NXPH2: variants seen among roughly 807,000 people sequenced by gnomAD.
NXPH2 encodes the protein neurexophilin-2.
NXPH2 carries 5 observed loss-of-function variants against 19.8 expected under a neutral mutation model. The ratio of observed to expected loss-of-function variants is 0.25; its 90% CI spans 0.13 to 0.53. NXPH2 has a LOEUF of 0.53. Ranked by LOEUF, NXPH2 falls within the 20% of genes least tolerant of loss-of-function variation. The pLI, the probability that NXPH2 is intolerant of heterozygous loss-of-function variation, is 0.96. For synonymous variants in NXPH2, 154 were observed against 127.4 expected, an observed-to-expected ratio of 1.21 and a Z score of -1.41; for missense variants, 289 against 322.8, an observed-to-expected ratio of 0.90 and a Z score of 0.80.
chr2:138,718,038 A>T (rs1282459698), intron 1 of NXPH2, among the ~76,000 whole-genome samples: 1 of 152,118 alleles, frequency 6.6e-6, no homozygotes, highest in Non-Finnish European at 1.5e-5. Flanking sequence ...AAGTAAAACC[A>T]TAAAAAATGG....
intron 1 of NXPH2, among the ~76,000 whole-genome samples, chr2:138,700,021 T>C (rs941749323): frequency 6.6e-6 from 1 of 152,138 alleles, no homozygotes; most frequent in Admixed American, 6.6e-5. Flanking sequence ...CGTCACCAAA[T>C]TCTGTTTTCC....
chr2:138,699,000 G>C (rs1680876584), intron 1 of NXPH2, among the ~76,000 whole-genome samples: 1 of 152,058 alleles, frequency 6.6e-6, no homozygotes, highest in Admixed American at 6.6e-5. Context: ...TTGTATATTG[G>C]ATTCTTAGCA....
At chr2:138,700,448 AT>A (rs1680902622) in intron 1 of NXPH2, among the ~76,000 whole-genome samples, 1 of 152,224 alleles carries the variant, frequency 6.6e-6, no homozygotes. Context: ...AGCCACATAA[AT>A]ATTTAATGAT....
rs761482424 is a variant in NXPH2, at chr2:138,671,089, T to C, written c.628A>G (p.Ile210Val). Residue 210 changes from isoleucine (I) to valine (V), a missense_variant, in exon 2 of 2, where the codon ATC becomes GTC. By Grantham distance (29) the Ile-to-Val change is conservative. Coordinates refer to ENST00000272641, the MANE Select transcript of NXPH2 (RefSeq NM_007226.3). The stretch of plus-strand genomic sequence containing the variant: ...CTCTGAGTCTGCTCCTGGTAGCAGA[T>C]CTTGGATGGGTCAAAGTTGCACAGG... The part of the protein sequence containing the change: ...TALCNFDPSK[I>V]CYQEQTQSHV... 34 of 1,613,846 alleles carry C rather than the reference T, an allele frequency of 2.1e-5. 1 individual carries two copies. The South Asian group carries it at 3.5e-4, about 17-fold the overall frequency.
At chr2:138,702,838 A>G (rs928291724) in intron 1 of NXPH2, among the ~76,000 whole-genome samples, 3 of 152,216 alleles carry the variant, frequency 2.0e-5, no homozygotes, top group African/African-American at 4.8e-5. Flanking sequence ...AGCTTTAACA[A>G]TGGCCAAAGC....
Position 138,738,459 on chromosome 2 carries a change from T to C in NXPH2, c.51+41732A>G, listed in dbSNP as rs554201261. On this transcript the variant is annotated intron_variant, in intron 1 of 1. Transcript: ENST00000272641. ...TGTGTGCAAAAATCTTTATCTAGCC[T>C]TTAGAGATATATCTATTACATCAAT... Among the ~76,000 whole-genome samples the C allele has an allele frequency of 2.0e-5, 3 of 152,304 alleles. No homozygotes were observed. In the South Asian group the frequency reaches 6.2e-4, roughly 32 times the overall value.
At chr2:138,698,120 T>C (rs1392719130) in intron 1 of NXPH2, among the ~76,000 whole-genome samples, 1 of 152,162 alleles carries the variant, frequency 6.6e-6, no homozygotes, top group Non-Finnish European at 1.5e-5. Flanking sequence ...TGATGTTCAC[T>C]ACAATGTTAT....
chr2:138,724,302 A>C (rs1681323544), intron 1 of NXPH2, among the ~76,000 whole-genome samples: 1 of 152,216 alleles, frequency 6.6e-6, no homozygotes, highest in Non-Finnish European at 1.5e-5. Context: ...ACATTCTATC[A>C]ACTTTAGGGA....
chr2:138,774,526 AC>A (rs1310990927), intron 1 of NXPH2, among the ~76,000 whole-genome samples: 3 of 152,182 alleles, frequency 2.0e-5, no homozygotes, highest in African/African-American at 7.2e-5. Context: ...AAAATTCAGA[AC>A]CCCTGTTACA....
chr2:138,766,736 T>C lies in NXPH2; in HGVS notation c.51+13455A>G, dbSNP rs146835325. On this transcript the variant is annotated intron_variant, in intron 1 of 1. Transcript: ENST00000272641. ...TGAAATTTACGGAGTAATAAACATT[T>C]ATCAAAAGCACTATGAAAAAAGAAG... Among the ~76,000 whole-genome samples, 666 of 152,228 alleles carry C rather than the reference T, an allele frequency of 4.4e-3. 3 individuals carry two copies. Among genetic ancestry groups the C allele is most frequent in the African/African-American group, 0.015 (633 of 41,536 alleles).
intron 1 of NXPH2, among the ~76,000 whole-genome samples, chr2:138,761,099 C>G (rs1480854437): frequency 6.6e-6 from 1 of 152,126 alleles, no homozygotes; most frequent in African/African-American, 2.4e-5. Flanking sequence ...GTGCCTGAAG[C>G]TCAGCAAGCC....
chr2:138,743,756 A>T (rs2105007540), intron 1 of NXPH2, among the ~76,000 whole-genome samples: 1 of 152,220 alleles, frequency 6.6e-6, no homozygotes, highest in Admixed American at 6.5e-5. Context: ...TAATCCCAGC[A>T]CTCTGGGAGG....
chr2:138,712,063 G>A (rs1286033269), intron 1 of NXPH2, among the ~76,000 whole-genome samples: 1 of 152,150 alleles, frequency 6.6e-6, no homozygotes, highest in Non-Finnish European at 1.5e-5. Flanking sequence ...TTAGTAGGCT[G>A]AGGCACTTAA....
At chr2:138,727,489 A>G (rs1681377596) in intron 1 of NXPH2, among the ~76,000 whole-genome samples, 1 of 151,972 alleles carries the variant, frequency 6.6e-6, no homozygotes, top group Non-Finnish European at 1.5e-5. Context: ...CAATTTCCTA[A>G]TGACATATGG....
intron 1 of NXPH2, among the ~76,000 whole-genome samples, chr2:138,721,670 T>A (rs148373776): frequency 9.9e-4 from 151 of 152,256 alleles, no homozygotes; most frequent in African/African-American, 3.6e-3. Context: ...AGAAAAAGAC[T>A]ATGTTTAATA....
At chr2:138,674,515 C>T (rs568722518) in intron 1 of NXPH2, among the ~76,000 whole-genome samples, 3 of 152,258 alleles carry the variant, frequency 2.0e-5, no homozygotes, top group Admixed American at 1.3e-4. Context: ...TGAACTCCAG[C>T]CTCAAGTGAT....
intron 1 of NXPH2, among the ~76,000 whole-genome samples, chr2:138,675,184 C>A (rs185571516): frequency 4.6e-5 from 7 of 152,164 alleles, no homozygotes; most frequent in African/African-American, 1.4e-4. Flanking sequence ...ATTTTTTCAA[C>A]CACAAGTATA....
intron 1 of NXPH2, among the ~76,000 whole-genome samples, chr2:138,685,266 C>G (rs1296876964): frequency 6.6e-6 from 1 of 152,176 alleles, no homozygotes; most frequent in African/African-American, 2.4e-5. Context: ...ACTTGTCAAT[C>G]CCTATAATCA....
intron 1 of NXPH2, among the ~76,000 whole-genome samples, chr2:138,699,454 C>T (rs964943456): frequency 6.6e-6 from 1 of 152,112 alleles, no homozygotes; most frequent in Non-Finnish European, 1.5e-5. Flanking sequence ...CATTAAGAAT[C>T]ATCCTTAACA....
Sources: gnomAD v4.1 joint callset for allele counts (sites outside exome capture counted in the v4.1 genomes callset) on GRCh38, gnomAD v4.1.1 for gene constraint, MANE v1.5 for transcripts, NCBI Gene and HGNC (gene_info 2026-07-23, HGNC 2026-07-21) for gene names.